RNH1: variants seen among roughly 807,000 people sequenced by gnomAD.
RNH1 encodes ribonuclease/angiogenin inhibitor 1, also known as ribonuclease inhibitor.
Under a neutral mutation model 46.1 loss-of-function variants are expected in RNH1, and 38 were observed. The observed-to-expected ratio is 0.82, with a 90% CI of 0.64 to 1.08. RNH1 has a LOEUF of 1.08. Among genes scored for constraint, RNH1 ranks in the 50% least tolerant of loss-of-function variants. The pLI is 0.00. For missense variants in RNH1, 577 were observed against 590.7 expected, an observed-to-expected ratio of 0.98 and a Z score of 0.24; for synonymous variants, 319 against 279.1, an observed-to-expected ratio of 1.14 and a Z score of -1.43.
chr11:495,085 G>C (rs760904008), intron 9 of RNH1, 32 bp from the exon 10 acceptor site: 2 of 1,585,698 alleles, frequency 1.3e-6, no homozygotes, highest in Non-Finnish European at 8.6e-7. Context: ...TCAGGGTGCC[G>C]GGCGTGCCTG....
Position 500,516 on chromosome 11 carries a change from C to T in RNH1, c.240G>A (p.Leu80=). The change falls in exon 4 of 11, where the codon CTG becomes CTA. Residue 80 remains leucine (L), a synonymous_variant. Transcript: ENST00000354420. ...TCTGGATCTTGCAGGAGGGGGTCTG[C>T]AGGCCCTGGAGCACGCAATGCACGC... ...DVGVHCVLQG[L]QTPSCKIQKL... is the part of the protein sequence containing the mutation. 1 of 1,609,378 alleles carries T rather than the reference C, an allele frequency of 6.2e-7. No homozygotes were observed.
chr11:499,291 G>A (rs1004891638), intron 5 of RNH1, 106 bp from the exon 6 acceptor site: 125 of 1,187,144 alleles, frequency 1.1e-4, no homozygotes, highest in Non-Finnish European at 1.4e-4. Context: ...TCAGTCTTCT[G>A]CCTGGGCATC....
rs750302973 is a variant in RNH1, at chr11:495,054, C to G, written c.1128-1G>C. On this transcript the variant is annotated splice_acceptor_variant, in intron 9 of 10. Coordinates refer to ENST00000354420, the MANE Select transcript of RNH1 (RefSeq NM_203387.3). LOFTEE classifies it high-confidence loss of function. ...GTCACTCACATCGCAGTCGGCCAAC[C>G]TGGGTGAAGCAGGGCGGGGGTCAGG... is the stretch of plus-strand genomic sequence containing the variant. 6.2e-7 allele frequency: 1 copy of G among 1,603,508 alleles called. No homozygotes were observed. Among genetic ancestry groups the G allele is most frequent in the South Asian group, 1.1e-5 (1 of 89,530 alleles).
rs1435279517 is a variant in RNH1 at position 499,042 on chromosome 11, T to G, written c.587A>C (p.Asp196Ala). The change falls in exon 6 of 11, where the codon GAC becomes GCC. Residue 196 changes from aspartate to alanine, a missense_variant. Transcript: ENST00000354420. ...GAGCGCCTCCAGCTGGCAGGGGGAG[T>G]CCTTCAGGCCCTGGCACAGCACACG... is the stretch of plus-strand genomic sequence containing the variant. Reference protein sequence around the residue: ...GVRVLCQGLKDSPCQLEALKL... With the variant: ...GVRVLCQGLKASPCQLEALKL... 26 of 1,610,832 alleles carry G rather than the reference T, an allele frequency of 1.6e-5. No individual in the cohort carries two copies. The highest frequency in any genetic ancestry group is 2.2e-5 in the East Asian group (1 of 44,742).
At chr11:499,630 C>A in intron 5 of RNH1, 199 bp downstream of exon 5, 2 of 746,174 alleles carry the variant, frequency 2.7e-6, no homozygotes, top group South Asian at 1.5e-5. Flanking sequence ...GATGACAGAT[C>A]CCCCCAGCCC....
chr11:502,332 C>A lies in RNH1; in HGVS notation c.-87-83G>T. The A allele has an allele frequency of 1.6e-6, 1 of 636,352 alleles. No homozygotes were observed. The highest frequency in any genetic ancestry group is 2.8e-6 in the Non-Finnish European group (1 of 351,716). The allele number at this position is 636,352 out of a possible 1,614,324, so 39.4% of individuals were successfully genotyped here. A position where few individuals can be genotyped will look rare whatever the true frequency, so the allele number is the denominator to read the frequency against. ...CAAACACTTCCTCTTCAGCACCCTC[C>A]CCACCTTTGTCTCTGGAGCAGACAT... On this transcript the variant is annotated intron_variant, in intron 2 of 10. Coordinates refer to ENST00000354420, the MANE Select transcript of RNH1 (RefSeq NM_203387.3). This position sits in a 1 kb window ranked among gnomAD's most constrained non-coding sequence, Gnocchi z 5.8.
rs1364395909 is a variant in RNH1, at chr11:502,291, G to A, written c.-87-42C>T. 3.9e-5 allele frequency: 28 copies of A among 718,756 alleles called. No individual in the cohort carries two copies. In the East Asian group the frequency reaches 4.0e-4, roughly 10 times the overall value. 44.5% of individuals were successfully genotyped at this position (718,756 alleles called of 1,614,324 possible). On this transcript the variant is annotated intron_variant, in intron 2 of 10. Transcript: ENST00000354420. This position sits in a 1 kb window ranked among gnomAD's most constrained non-coding sequence, Gnocchi z 5.8. ...CAGGGCTGATGTTTCAGGAGGAGCC[G>A]CAGCCTCTCCCTGGGCAAACACTTC...
At chr11:503,795 C>T (rs969243062) in intron 2 of RNH1, among the ~76,000 whole-genome samples, 2 of 152,154 alleles carry the variant, frequency 1.3e-5, no homozygotes, top group Admixed American at 6.5e-5. Flanking sequence ...TGACCATCTG[C>T]AACTAGCGCT....
At chr11:500,957 C>G in intron 3 of RNH1, 1 of 444,100 alleles carries the variant, frequency 2.3e-6, no homozygotes, top group Admixed American at 3.4e-5. Context: ...GGAGAAACCC[C>G]GTCTTTACTA....
At position 498,944 on chromosome 11, in the gene RNH1, G is replaced by A. The variant is rs781403408; in HGVS notation, c.615-11C>T. The A allele has an allele frequency of 3.8e-5, 61 of 1,611,938 alleles. No individual in the cohort carries two copies. Among genetic ancestry groups the A allele is most frequent in the Non-Finnish European group, 4.6e-5 (54 of 1,179,428 alleles). Reference sequence around the variant, plus strand: ...CCGCAGCTCTCCAGCCTGGGGACACGGGTCACACGTGAGGCAGCACGGGAC... The same window carrying A: ...CCGCAGCTCTCCAGCCTGGGGACACAGGTCACACGTGAGGCAGCACGGGAC... On this transcript the variant is annotated splice_polypyrimidine_tract_variant and intron_variant, in intron 6 of 10. Coordinates refer to ENST00000354420, the MANE Select transcript of RNH1 (RefSeq NM_203387.3).
chr11:498,351 G>C, intron 8 of RNH1, 106 bp downstream of exon 8: 1 of 1,461,240 alleles, frequency 6.8e-7, no homozygotes, highest in Non-Finnish European at 9.3e-7. Flanking sequence ...GAAGGTCGGA[G>C]CTGAGCCCAG....
intron 1 of RNH1, chr11:506,457 G>A (rs1487092468): frequency 6.6e-6 from 1 of 152,216 alleles, no homozygotes; most frequent in Non-Finnish European, 1.5e-5. Context: ...CGGCCCCTAA[G>A]TGCCATTCCA....
chr11:500,327 C>A (rs1457561964), intron 4 of RNH1, 157 bp downstream of exon 4: 8 of 918,486 alleles, frequency 8.7e-6, no homozygotes, highest in Admixed American at 5.1e-5. Flanking sequence ...GCTGTGAGAC[C>A]GCCAGGCCTG....
Position 498,505 on chromosome 11 carries a change from A to C in RNH1, c.908T>G (p.Leu303Arg). 6.2e-7 allele frequency: 1 copy of C among 1,613,394 alleles called. No homozygotes were observed. Among genetic ancestry groups the C allele is most frequent in the South Asian group, 1.1e-5 (1 of 91,086 alleles). The change falls in exon 8 of 11, where the codon CTG (leucine) becomes CGG (arginine). Residue 303 changes from leucine to arginine, a missense_variant. By Grantham distance (102) the Leu-to-Arg change is moderately radical. Transcript: ENST00000354420. ...AGGTTCCAGCAGGGTCTCACACAGC[A>C]GTCGGGCACCCTCATCCCCCAGCTC... The part of the protein sequence containing the change: ...GNELGDEGAR[L>R]LCETLLEPGC...
chr11:496,614 A>G (rs1201045340), intron 9 of RNH1, among the ~76,000 whole-genome samples: 1 of 152,204 alleles, frequency 6.6e-6, no homozygotes, highest in Non-Finnish European at 1.5e-5. Context: ...GCTTGCAGTG[A>G]GCCAAGATCG....
Position 501,837 on chromosome 11 carries a change from G to T in RNH1, c.101+225C>A. The T allele has an allele frequency of 1.8e-6, 1 of 558,040 alleles. No individual in the cohort carries two copies. The highest frequency in any genetic ancestry group is 3.2e-6 in the Non-Finnish European group (1 of 310,454). The allele number at this position is 558,040 out of a possible 1,614,324, so 34.6% of individuals were successfully genotyped here. On this transcript the variant is annotated intron_variant, in intron 3 of 10. Transcript: ENST00000354420. This position sits in a 1 kb window ranked among gnomAD's most constrained non-coding sequence, Gnocchi z 4.1. Reference sequence around the variant, plus strand: ...CACTGGCCAGTGGCCGCCCACCTCGGCCCGCCCACCTCAGCCCATGCTGCA... The same window carrying T: ...CACTGGCCAGTGGCCGCCCACCTCGTCCCGCCCACCTCAGCCCATGCTGCA...
At position 500,511 on chromosome 11, in the gene RNH1, G is replaced by T. The variant is rs1849649689; in HGVS notation, c.245C>A (p.Thr82Asn). 1.2e-6 allele frequency: 2 copies of T among 1,609,028 alleles called. No individual in the cohort carries two copies. Among genetic ancestry groups the T allele is most frequent in the African/African-American group, 1.3e-5 (1 of 75,026 alleles). The change falls in exon 4 of 11, where the codon ACC (threonine) becomes AAC (asparagine). Residue 82 changes from threonine to asparagine, a missense_variant. Coordinates refer to ENST00000354420, the MANE Select transcript of RNH1 (RefSeq NM_203387.3). Reference sequence around the variant, plus strand: ...CAGCTTCTGGATCTTGCAGGAGGGGGTCTGCAGGCCCTGGAGCACGCAATG... The same window carrying T: ...CAGCTTCTGGATCTTGCAGGAGGGGTTCTGCAGGCCCTGGAGCACGCAATG... The part of the protein sequence containing the change: ...GVHCVLQGLQ[T>N]PSCKIQKLSL...
At chr11:495,403 G>A (rs1454650132) in intron 9 of RNH1, among the ~76,000 whole-genome samples, 9 of 152,210 alleles carry the variant, frequency 5.9e-5, no homozygotes, top group African/African-American at 2.2e-4. Flanking sequence ...GCCAGCCAGA[G>A]ACTGAGGAGC....
At position 503,851 on chromosome 11, in the gene RNH1, T is replaced by C. The variant is rs1849979530; in HGVS notation, c.-88+973A>G. On this transcript the variant is annotated intron_variant, in intron 2 of 10. Transcript: ENST00000354420. ...ACCCCTCAGGCTTGGCCAGACCCTG[T>C]TGTATCCCAGAAAGGCCCTTCTGAA... Among the ~76,000 whole-genome samples the C allele has an allele frequency of 3.9e-5, 6 of 152,160 alleles. No homozygotes were observed. The South Asian group carries it at 1.2e-3, about 32-fold the overall frequency.
Sources: gnomAD v4.1 joint callset for allele counts (sites outside exome capture counted in the v4.1 genomes callset) on GRCh38, gnomAD v4.1.1 for gene constraint, Gnocchi (gnomAD v3.1) non-coding constraint, MANE v1.5 for transcripts, NCBI Gene and HGNC (gene_info 2026-07-23, HGNC 2026-07-21) for gene names.